Variants in DGAT2 observed in about 807,000 individuals in gnomAD.
The protein encoded by DGAT2 is diacylglycerol O-acyltransferase 2.
Under a neutral mutation model 48.4 loss-of-function variants are expected in DGAT2, and 33 were observed. The ratio of observed to expected loss-of-function variants is 0.68; its 90% CI spans 0.52 to 0.91. The LOEUF (loss-of-function observed/expected upper bound fraction) is 0.91. Ranked by LOEUF, DGAT2 falls within the 40% of genes least tolerant of loss-of-function variation. The pLI is 0.00. For synonymous variants in DGAT2, 191 were observed against 194.1 expected, an observed-to-expected ratio of 0.98 and a Z score of 0.13; for missense variants, 446 against 493.7, an observed-to-expected ratio of 0.90 and a Z score of 0.92.
At chr11:75,798,750 A>C (rs550989170) in intron 7 of DGAT2, among the ~76,000 whole-genome samples, 1 of 152,326 alleles carries the variant, frequency 6.6e-6, no homozygotes, top group Admixed American at 6.5e-5. Context: ...GAGGATGCGC[A>C]GGTGCTCTAG....
At chr11:75,798,907 G>T (rs953324569) in intron 7 of DGAT2, among the ~76,000 whole-genome samples, 54 of 152,246 alleles carry the variant, frequency 3.5e-4, no homozygotes, top group Non-Finnish European at 2.9e-4. Context: ...TTTTTTTGAA[G>T]AACAGAAAGA....
At chr11:75,780,267 G>A (rs951359950) in intron 1 of DGAT2, among the ~76,000 whole-genome samples, 1 of 152,206 alleles carries the variant, frequency 6.6e-6, no homozygotes, top group African/African-American at 2.4e-5. Context: ...AGCCACAGCT[G>A]GGGCAGAGGA....
rs1372391776 is a variant in DGAT2 at position 75,790,515 on chromosome 11, A to AATGAATGT, written c.359-145_359-138dup. ...GTCGAGGGTTTGCATAACATGAAGGAATGAATGTGGAAAGGGGCCTGATGG... is the reference window on the plus strand; with the variant it reads ...GTCGAGGGTTTGCATAACATGAAGGAATGAATGTATGAATGTGGAAAGGGGCCTGATGG... On this transcript the variant is annotated intron_variant, in intron 3 of 7. Coordinates refer to ENST00000228027, the MANE Select transcript of DGAT2 (RefSeq NM_032564.5). 3.5e-6 allele frequency: 3 copies of AATGAATGT among 861,758 alleles called. No individual in the cohort carries two copies. The African/African-American group carries it at 4.9e-5, about 14-fold the overall frequency. The allele number at this position is 861,758 out of a possible 1,614,324, so 53.4% of individuals were successfully genotyped here.
In DGAT2 at chr11:75,768,857, C is replaced by T; in HGVS notation, c.-135C>T. The T allele has an allele frequency of 8.4e-7, 1 of 1,194,668 alleles. No homozygotes were observed. The highest frequency in any genetic ancestry group is 2.4e-5 in the South Asian group (1 of 41,996). The allele number at this position is 1,194,668 out of a possible 1,614,324, so 74.0% of individuals were successfully genotyped here. A position where few individuals can be genotyped will look rare whatever the true frequency, so the allele number is the denominator to read the frequency against. On this transcript the variant is annotated 5_prime_UTR_variant, in exon 1 of 8. Transcript: ENST00000228027. ...GCCGCCGGCCGCAGCTCCAGGTGTC[C>T]TAGCCGCCCAGCCTCGACGCCGTCC...
intron 1 of DGAT2, among the ~76,000 whole-genome samples, chr11:75,780,977 A>C (rs1944857250): frequency 6.6e-6 from 1 of 152,222 alleles, no homozygotes; most frequent in Non-Finnish European, 1.5e-5. Context: ...CTGGCCTGAC[A>C]GGGCACTGGG....
chr11:75,784,030 A>C (rs547485405), intron 1 of DGAT2, among the ~76,000 whole-genome samples: 1 of 152,114 alleles, frequency 6.6e-6, no homozygotes, highest in East Asian at 1.9e-4. Context: ...CATCTCTCTG[A>C]AAGTGGTAGT....
rs763281362 is a variant in DGAT2 at position 75,800,768 on chromosome 11, C to T, written c.*260C>T. The T allele has an allele frequency of 4.9e-6, 2 of 408,172 alleles. No homozygotes were observed. The highest frequency in any genetic ancestry group is 8.9e-6 in the Non-Finnish European group (2 of 225,748). The allele number at this position is 408,172 out of a possible 1,614,324, so 25.3% of individuals were successfully genotyped here. A position where few individuals can be genotyped will look rare whatever the true frequency, so the allele number is the denominator to read the frequency against. ...CTCAGCTAACCTCTCTTCTTCCCTT[C>T]CTGAAGTGACAAAGGAAACTCAGTC... is the stretch of plus-strand genomic sequence containing the variant. On this transcript the variant is annotated 3_prime_UTR_variant, in exon 8 of 8. Transcript: ENST00000228027.
chr11:75,790,067 C>A, intron 2 of DGAT2, 121 bp from the exon 3 acceptor site: 2 of 741,894 alleles, frequency 2.7e-6, no homozygotes, highest in Admixed American at 3.9e-5. Context: ...TTTGTGGGCC[C>A]CATGCCCATG....
At chr11:75,769,632 A>C (rs1280356868) in intron 1 of DGAT2, among the ~76,000 whole-genome samples, 1 of 152,134 alleles carries the variant, frequency 6.6e-6, no homozygotes, top group African/African-American at 2.4e-5. Flanking sequence ...ATGTCCTCCA[A>C]GGTAGAACTG....
chr11:75,799,295 CAG>C (rs1169433338), intron 7 of DGAT2, among the ~76,000 whole-genome samples: 1 of 152,078 alleles, frequency 6.6e-6, no homozygotes, highest in Non-Finnish European at 1.5e-5. Context: ...GGAGAGCCAC[CAG>C]AGAGTGTTTG....
Position 75,798,230 on chromosome 11 carries a change from T to C in DGAT2, c.813T>C (p.Ala271=). 1 of 1,614,170 alleles carries C rather than the reference T, an allele frequency of 6.2e-7. No homozygotes were observed. The highest frequency in any genetic ancestry group is 1.1e-5 in the South Asian group (1 of 91,086). The part of the protein sequence containing the change: ...GFVKLALRHG[A]DLVPIYSFGE... Reference sequence around the variant, plus strand: ...GACCCTGGCCTCTCCCTTCCAGAGCTGACCTGGTTCCCATCTACTCCTTTG... The same window carrying C: ...GACCCTGGCCTCTCCCTTCCAGAGCCGACCTGGTTCCCATCTACTCCTTTG... Residue 271 remains alanine, a synonymous_variant, in exon 7 of 8, where the codon GCT becomes GCC. Transcript: ENST00000228027.
At chr11:75,777,748 G>C (rs1302699387) in intron 1 of DGAT2, among the ~76,000 whole-genome samples, 14 of 152,136 alleles carry the variant, frequency 9.2e-5, no homozygotes, top group Admixed American at 9.2e-4. Context: ...GTGGGCTTTC[G>C]AGAGGCGTGA....
chr11:75,797,267 G>T lies in DGAT2; in HGVS notation c.744G>T (p.Met248Ile). Residue 248 changes from methionine to isoleucine, a missense_variant, in exon 6 of 8, where the codon ATG (methionine) becomes ATT (isoleucine). Physicochemically the swap from Met to Ile is conservative, Grantham distance 10. Coordinates refer to ENST00000228027, the MANE Select transcript of DGAT2 (RefSeq NM_032564.5). ...VGGAAESLSS[M>I]PGKNAVTLRN... Reference sequence around the variant, plus strand: ...GTGCGGCTGAGTCTCTGAGCTCCATGCCTGGCAAGAATGCAGTCACCCTGC... The same window carrying T: ...GTGCGGCTGAGTCTCTGAGCTCCATTCCTGGCAAGAATGCAGTCACCCTGC... The T allele has an allele frequency of 1.3e-6, 2 of 1,577,484 alleles. No individual in the cohort carries two copies. Among genetic ancestry groups the T allele is most frequent in the South Asian group, 2.3e-5 (2 of 86,072 alleles).
intron 5 of DGAT2, 93 bp downstream of exon 5, chr11:75,796,625 T>G: frequency 3.8e-6 from 5 of 1,316,534 alleles, no homozygotes; most frequent in African/African-American, 1.5e-5. Context: ...CAACACACCA[T>G]TCCTTGGTGC....
At chr11:75,773,654 C>T (rs2135757422) in intron 1 of DGAT2, 1 of 152,418 alleles carries the variant, frequency 6.6e-6, no homozygotes, top group Non-Finnish European at 1.5e-5. Context: ...TCCAGGAAGG[C>T]TTCACTGAGG....
At chr11:75,800,274 G>C in intron 7 of DGAT2, 80 bp from the exon 8 acceptor site, 1 of 1,526,932 alleles carries the variant, frequency 6.5e-7, no homozygotes, top group Non-Finnish European at 8.8e-7. Context: ...CCACAGCCCA[G>C]CGTCACCACC....
At chr11:75,770,619 G>A (rs10899118) in intron 1 of DGAT2, among the ~76,000 whole-genome samples, 4 of 152,000 alleles carry the variant, frequency 2.6e-5, no homozygotes, top group Non-Finnish European at 5.9e-5. Context: ...ACCCCATTCC[G>A]TCGGCTCTGC....
chr11:75,788,964 A>G (rs1267036402), intron 2 of DGAT2, among the ~76,000 whole-genome samples: 1 of 152,146 alleles, frequency 6.6e-6, no homozygotes, highest in Non-Finnish European at 1.5e-5. Context: ...TTGGGTAAAA[A>G]ATGGAAAGAG....
chr11:75,769,921 C>T (rs929371949), intron 1 of DGAT2, among the ~76,000 whole-genome samples: 1 of 152,162 alleles, frequency 6.6e-6, no homozygotes, highest in African/African-American at 2.4e-5. Flanking sequence ...AGTCTGTATT[C>T]TGTTTGCTGA....
Sources: allele counts gnomAD v4.1 joint callset (sites outside exome capture counted in the v4.1 genomes callset), GRCh38; gene constraint gnomAD v4.1.1; transcripts MANE v1.5; gene names NCBI Gene and HGNC (gene_info 2026-07-23, HGNC 2026-07-21).